Variants in CLINT1 observed in about 807,000 individuals in gnomAD.
CLINT1 encodes the protein clathrin interactor 1.
CLINT1 carries 15 observed loss-of-function variants against 70.4 expected under a neutral mutation model. The ratio of observed to expected loss-of-function variants is 0.21; its 90% CI spans 0.14 to 0.33. The LOEUF is 0.33. Among genes scored for constraint, CLINT1 ranks in the 10% least tolerant of loss-of-function variants. The pLI, the probability that CLINT1 is intolerant of heterozygous loss-of-function variation, is 1.00. For synonymous variants in CLINT1, 227 were observed against 254.7 expected (o/e 0.89, Z 1.04); for missense variants, 615 against 778.1 (o/e 0.79, Z 2.49).
intron 9 of CLINT1, among the ~76,000 whole-genome samples, chr5:157,792,546 T>TA (rs929167338): frequency 7.2e-4 from 109 of 151,108 alleles, no homozygotes; most frequent in African/African-American, 2.4e-3. Context: ...AGACTCCGTC[T>TA]AAAAAAAAAT....
intron 1 of CLINT1, among the ~76,000 whole-genome samples, chr5:157,843,620 C>T (rs957698690): frequency 2.0e-5 from 3 of 152,130 alleles, no homozygotes; most frequent in African/African-American, 7.2e-5. Context: ...AAAACTAATA[C>T]TCCAAGAAAT....
At chr5:157,837,616 T>C (rs891189496) in intron 1 of CLINT1, among the ~76,000 whole-genome samples, 2 of 151,694 alleles carry the variant, frequency 1.3e-5, no homozygotes, top group Non-Finnish European at 2.9e-5. Flanking sequence ...AAAATCAGTG[T>C]TGTCTTGCCA....
chr5:157,814,758 C>T, intron 3 of CLINT1, among the ~76,000 whole-genome samples: 1 of 152,066 alleles, frequency 6.6e-6, no homozygotes, highest in Non-Finnish European at 1.5e-5. Context: ...TGGCCAGGCT[C>T]AGCGGCTCAT....
chr5:157,847,425 G>A (rs1753419432), intron 1 of CLINT1, among the ~76,000 whole-genome samples: 1 of 151,992 alleles, frequency 6.6e-6, no homozygotes, highest in Non-Finnish European at 1.5e-5. Context: ...GCAGGAGAAT[G>A]GCGTGAACCC....
intron 1 of CLINT1, among the ~76,000 whole-genome samples, chr5:157,848,020 T>C (rs1281585471): frequency 2.0e-5 from 3 of 152,190 alleles, no homozygotes; most frequent in Non-Finnish European, 1.5e-5. Flanking sequence ...TTGCTCAGGT[T>C]GGTCTTCAAC....
At chr5:157,810,716 C>CA (rs1179713721) in intron 5 of CLINT1, among the ~76,000 whole-genome samples, 1 of 152,052 alleles carries the variant, frequency 6.6e-6, no homozygotes, top group Non-Finnish European at 1.5e-5. Flanking sequence ...GTACAGAGAG[C>CA]ACGTGAGGTA....
At chr5:157,837,144 G>A (rs1025022055) in intron 1 of CLINT1, among the ~76,000 whole-genome samples, 8 of 152,200 alleles carry the variant, frequency 5.3e-5, no homozygotes, top group African/African-American at 1.4e-4. Flanking sequence ...ACTGGAAGCT[G>A]TAATCCCAGC....
intron 1 of CLINT1, among the ~76,000 whole-genome samples, chr5:157,818,380 T>C (rs1364119188): frequency 2.1e-5 from 3 of 143,618 alleles, no homozygotes; most frequent in African/African-American, 7.9e-5. Flanking sequence ...GTCTGACATA[T>C]AGAAAGTACT....
intron 1 of CLINT1, chr5:157,823,757 G>A: frequency 1.2e-6 from 1 of 830,212 alleles, no homozygotes; most frequent in Non-Finnish European, 1.5e-6. Context: ...AATTAACATT[G>A]TAGAATAGGG....
At chr5:157,848,664 G>A (rs755139762) in intron 1 of CLINT1, among the ~76,000 whole-genome samples, 6 of 151,748 alleles carry the variant, frequency 4.0e-5, no homozygotes, top group African/African-American at 9.7e-5. Context: ...CCAGAATGCC[G>A]GCTAATTGTG....
intron 1 of CLINT1, among the ~76,000 whole-genome samples, chr5:157,849,744 T>C (rs1753506284): frequency 6.6e-6 from 1 of 152,234 alleles, no homozygotes; most frequent in African/African-American, 2.4e-5. Flanking sequence ...GTCACCTTTG[T>C]TCTTGGCACA....
chr5:157,827,849 T>G (rs1407192080), intron 1 of CLINT1, among the ~76,000 whole-genome samples: 1 of 152,232 alleles, frequency 6.6e-6, no homozygotes, highest in Non-Finnish European at 1.5e-5. Context: ...CACTTATGTA[T>G]TTTTCATCAA....
chr5:157,809,554 C>CA (rs951696185), intron 6 of CLINT1, 74 bp downstream of exon 6: 6 of 1,276,440 alleles, frequency 4.7e-6, no homozygotes, highest in South Asian at 3.7e-5. Context: ...ACAAAACCAA[C>CA]AAAAAACCAA....
At position 157,859,091 on chromosome 5, in the gene CLINT1, A is replaced by G. The variant is rs1379481074; in HGVS notation, c.-121T>C. On this transcript the variant is annotated 5_prime_UTR_variant, in exon 1 of 12. Coordinates refer to ENST00000411809, the MANE Select transcript of CLINT1 (RefSeq NM_014666.4). ...GCCGCCCGCCGCCTCGAACTCCCCC[A>G]GTCAGCTCCTTCCTTTGCCACAGCA... The G allele has an allele frequency of 1.9e-6, 2 of 1,065,948 alleles. No individual in the cohort carries two copies. Among genetic ancestry groups the G allele is most frequent in the Non-Finnish European group, 2.7e-6 (2 of 740,688 alleles). 66.0% of individuals were successfully genotyped at this position (1,065,948 alleles called of 1,614,324 possible). A position where few individuals can be genotyped will look rare whatever the true frequency, so the allele number is the denominator to read the frequency against.
chr5:157,831,500 C>G (rs1763242938), intron 1 of CLINT1, among the ~76,000 whole-genome samples: 2 of 151,690 alleles, frequency 1.3e-5, no homozygotes, highest in South Asian at 4.2e-4. Flanking sequence ...ACTTATAACA[C>G]ATAGCAGGAC....
chr5:157,806,131 G>A lies in CLINT1; in HGVS notation c.696-19C>T, dbSNP rs764620990. 6.2e-7 allele frequency: 1 copy of A among 1,609,856 alleles called. No homozygotes were observed. Among genetic ancestry groups the A allele is most frequent in the East Asian group, 2.2e-5 (1 of 44,818 alleles). On this transcript the variant is annotated intron_variant, in intron 6 of 11. Transcript: ENST00000411809. ...GCTGTCGCTAAAAGATATTAAAAAT[G>A]AAGCAAAATAATAAGACGGGATTAT... is the stretch of plus-strand genomic sequence containing the variant.
intron 1 of CLINT1, among the ~76,000 whole-genome samples, chr5:157,848,198 C>CT (rs1753447622): frequency 6.7e-6 from 1 of 149,946 alleles, no homozygotes; most frequent in Non-Finnish European, 1.5e-5. Context: ...TTTCCAGATT[C>CT]AAGCAATTCT....
chr5:157,805,791 T>C (rs1371489251), intron 7 of CLINT1, 75 bp downstream of exon 7: 1 of 1,560,508 alleles, frequency 6.4e-7, no homozygotes, highest in Non-Finnish European at 8.8e-7. Context: ...TGCCCAAGCC[T>C]ACTAATGCAG....
chr5:157,808,770 G>T (rs1216669381), intron 6 of CLINT1, among the ~76,000 whole-genome samples: 1 of 152,124 alleles, frequency 6.6e-6, no homozygotes, highest in Middle Eastern at 3.4e-3. Flanking sequence ...AATCCATTTG[G>T]ATTGTTTTTC....
Sources: gnomAD v4.1 joint callset for allele counts (sites outside exome capture counted in the v4.1 genomes callset) on GRCh38, gnomAD v4.1.1 for gene constraint, MANE v1.5 for transcripts, NCBI Gene and HGNC (gene_info 2026-07-23, HGNC 2026-07-21) for gene names.